Variants in GRAMD1B observed in about 807,000 individuals in gnomAD.
GRAMD1B encodes protein Aster-B.
A neutral mutation model predicts 99.7 loss-of-function variants in GRAMD1B; 37 were observed. The ratio of observed to expected loss-of-function variants is 0.37; its 90% confidence interval spans 0.29 to 0.49. The LOEUF (loss-of-function observed/expected upper bound fraction) is 0.49, where lower values mean the gene tolerates loss of function less well. GRAMD1B is among the 20% of genes least tolerant of loss of function. GRAMD1B has a pLI of 0.98. For missense variants in GRAMD1B, 888 were observed against 1,009.2 expected, an observed-to-expected ratio of 0.88 and a Z score of 1.63; for synonymous variants, 427 against 387.6, an observed-to-expected ratio of 1.10 and a Z score of -1.19.
rs1938768246 is a variant in GRAMD1B, at chr11:123,492,990, T to C, written c.452+12097T>C. ...GGCTGGTGAGCAAAGACTGTGTCCCTCTCTGATTAGATGACTTCTCTGGTA... is the reference window on the plus strand; with the variant it reads ...GGCTGGTGAGCAAAGACTGTGTCCCCCTCTGATTAGATGACTTCTCTGGTA... On this transcript the variant is annotated intron_variant, in intron 2 of 19. Coordinates refer to ENST00000635736, the MANE Select transcript of GRAMD1B (RefSeq NM_001387025.1). This position sits in a 1 kb window ranked among gnomAD's most constrained non-coding sequence, Gnocchi z 4.2. Among the ~76,000 whole-genome samples the C allele has an allele frequency of 6.6e-6, 1 of 152,162 alleles. No homozygotes were observed.
chr11:123,548,377 C>G (rs1341204139), intron 2 of GRAMD1B, among the ~76,000 whole-genome samples: 1 of 145,980 alleles, frequency 6.9e-6, no homozygotes, highest in Non-Finnish European at 1.5e-5. Context: ...CACACACACA[C>G]ACACACACAC....
At chr11:123,618,532 T>TTC (rs139024835) in intron 17 of GRAMD1B, 161 bp from the exon 18 acceptor site, 12 of 812,492 alleles carry the variant, frequency 1.5e-5, no homozygotes, top group Non-Finnish European at 2.0e-5. Context: ...ATTAGGTTGC[T>TTC]TCTCTCTCTC....
intron 2 of GRAMD1B, among the ~76,000 whole-genome samples, chr11:123,481,258 T>C (rs1001835897): frequency 6.6e-5 from 10 of 152,112 alleles, no homozygotes; most frequent in African/African-American, 2.4e-4. Flanking sequence ...AGTTCGAGAC[T>C]AGCCTGGTCA....
chr11:123,482,103 T>C (rs1951640641), intron 2 of GRAMD1B, among the ~76,000 whole-genome samples: 1 of 144,572 alleles, frequency 6.9e-6, no homozygotes, highest in Non-Finnish European at 1.5e-5. Flanking sequence ...TAATTTTTAA[T>C]TTTTTTTTTT....
chr11:123,412,257 T>G (rs959321046), intron 1 of GRAMD1B, among the ~76,000 whole-genome samples: 1 of 152,250 alleles, frequency 6.6e-6, no homozygotes, highest in African/African-American at 2.4e-5. Context: ...GTTGTCAACT[T>G]TTCACTTAAA....
At chr11:123,382,864 G>A (rs1454043989) in intron 1 of GRAMD1B, among the ~76,000 whole-genome samples, 2 of 152,218 alleles carry the variant, frequency 1.3e-5, no homozygotes, top group East Asian at 1.9e-4. Flanking sequence ...TCAATCCACA[G>A]GAAAGTAGCA....
chr11:123,561,109 A>G (rs1231965933), intron 2 of GRAMD1B, among the ~76,000 whole-genome samples: 5 of 152,066 alleles, frequency 3.3e-5, no homozygotes, highest in Admixed American at 3.3e-4. Flanking sequence ...GAGGGTGATG[A>G]TGGTCTCCTT....
At chr11:123,415,750 G>A (rs1244574357) in intron 1 of GRAMD1B, among the ~76,000 whole-genome samples, 1 of 152,002 alleles carries the variant, frequency 6.6e-6, no homozygotes, top group Non-Finnish European at 1.5e-5. Flanking sequence ...ACTGTTTAAT[G>A]GACTAACTTT....
chr11:123,602,867 A>G (rs1164291881), intron 8 of GRAMD1B, among the ~76,000 whole-genome samples: 2 of 152,212 alleles, frequency 1.3e-5, no homozygotes, highest in African/African-American at 4.8e-5. Flanking sequence ...AACTGTGGGA[A>G]CGTAAGACTC....
chr11:123,589,054 C>A lies in GRAMD1B; in HGVS notation c.684+4722C>A, dbSNP rs79107357. On this transcript the variant is annotated intron_variant, in intron 4 of 19. Coordinates refer to ENST00000635736, the MANE Select transcript of GRAMD1B (RefSeq NM_001387025.1). ...AGAAAAGTGCTGACTGTGTTCCATTCCTACAAACCTTTGTTTGTGACCGGA... is the reference window on the plus strand; with the variant it reads ...AGAAAAGTGCTGACTGTGTTCCATTACTACAAACCTTTGTTTGTGACCGGA... Among the ~76,000 whole-genome samples the A allele has an allele frequency of 4.8e-3, 736 of 151,808 alleles. 1 individual carries two copies. Among genetic ancestry groups the A allele is most frequent in the Non-Finnish European group, 7.4e-3 (502 of 67,950 alleles).
At chr11:123,374,608 TA>T (rs1217263764) in intron 1 of GRAMD1B, among the ~76,000 whole-genome samples, 7 of 152,232 alleles carry the variant, frequency 4.6e-5, no homozygotes, top group Admixed American at 4.6e-4. Context: ...TTTATTTTGA[TA>T]ACAGCCTCCT....
In GRAMD1B at chr11:123,606,770, C is replaced by T. The variant is rs1404158366; in HGVS notation, c.1485C>T (p.Leu495=). 4.3e-6 allele frequency: 7 copies of T among 1,613,724 alleles called. No individual in the cohort carries two copies. Among genetic ancestry groups the T allele is most frequent in the Non-Finnish European group, 5.9e-6 (7 of 1,179,824 alleles). The change falls in exon 11 of 20, where the codon CTC becomes CTT. Residue 495 remains leucine (L), a synonymous_variant. Coordinates refer to ENST00000635736, the MANE Select transcript of GRAMD1B (RefSeq NM_001387025.1). ...ACAATGAGGACATCCCCACTGAGCT[C>T]AGTGACTCTTCCGACACACACGATG... ...FNDNEDIPTE[L]SDSSDTHDEG...
At chr11:123,558,369 G>A (rs1025703805) in intron 2 of GRAMD1B, among the ~76,000 whole-genome samples, 3 of 152,128 alleles carry the variant, frequency 2.0e-5, no homozygotes, top group African/African-American at 7.2e-5. Flanking sequence ...GATCTTCTCA[G>A]GGATGTAAAA....
chr11:123,493,087 T>A (rs1182517632), intron 2 of GRAMD1B, among the ~76,000 whole-genome samples: 1 of 152,184 alleles, frequency 6.6e-6, no homozygotes, highest in Non-Finnish European at 1.5e-5. Flanking sequence ...AAGTCTCTGA[T>A]CCTGTGATGT....
chr11:123,495,659 G>A (rs74756362), intron 2 of GRAMD1B, among the ~76,000 whole-genome samples: 172 of 148,528 alleles, frequency 1.2e-3, no homozygotes, highest in African/African-American at 3.9e-3. Flanking sequence ...GAAACCATGC[G>A]AAGTTTGTCT....
intron 1 of GRAMD1B, among the ~76,000 whole-genome samples, chr11:123,479,413 G>A (rs1256086600): frequency 6.6e-6 from 1 of 152,160 alleles, no homozygotes; most frequent in Non-Finnish European, 1.5e-5. Context: ...ATTCTACTGG[G>A]CATCTAGGCT....
At chr11:123,595,902 A>G in intron 6 of GRAMD1B, 40 bp from the exon 7 acceptor site, 1 of 1,174,546 alleles carries the variant, frequency 8.5e-7, no homozygotes, top group East Asian at 2.4e-5. Context: ...CTAATGCCCC[A>G]CTTTGCTTGT....
intron 1 of GRAMD1B, among the ~76,000 whole-genome samples, chr11:123,439,304 T>G (rs916012626): frequency 6.6e-6 from 1 of 152,186 alleles, no homozygotes; most frequent in Non-Finnish European, 1.5e-5. Flanking sequence ...AGGATGGTGA[T>G]GCCTCAGCTG....
chr11:123,406,951 C>T (rs7934011), intron 1 of GRAMD1B, among the ~76,000 whole-genome samples: 9,871 of 152,266 alleles, frequency 0.065, 826 homozygotes, highest in African/African-American at 0.2. Flanking sequence ...ATAAAACATG[C>T]AGATCCCTGC....
Sources: gnomAD v4.1 joint callset for allele counts (sites outside exome capture counted in the v4.1 genomes callset) on GRCh38, gnomAD v4.1.1 for gene constraint, Gnocchi (gnomAD v3.1) non-coding constraint, MANE v1.5 for transcripts, NCBI Gene and HGNC (gene_info 2026-07-23, HGNC 2026-07-21) for gene names.